MYH15: variants seen among roughly 807,000 people sequenced by gnomAD.
MYH15 encodes the protein myosin-15.
Under a neutral mutation model 240.5 loss-of-function variants are expected in MYH15, and 227 were observed. The observed-to-expected ratio is 0.94, with a 90% CI of 0.85 to 1.05. The LOEUF (loss-of-function observed/expected upper bound fraction) is 1.05. MYH15 is among the 50% of genes least tolerant of loss of function. The pLI, the probability that MYH15 is intolerant of heterozygous loss-of-function variation, is 0.00. For synonymous variants in MYH15, 785 were observed against 796.7 expected (o/e 0.99, Z 0.25); for missense variants, 2,217 against 2,247.5 (o/e 0.99, Z 0.27).
At chr3:108,468,325 T>C (rs1260070410) in intron 14 of MYH15, among the ~76,000 whole-genome samples, 1 of 152,244 alleles carries the variant, frequency 6.6e-6, no homozygotes, top group Admixed American at 6.5e-5. Context: ...AAATCCTTTT[T>C]TCTTATACGT....
At chr3:108,403,967 G>T (rs992032028) in intron 33 of MYH15, among the ~76,000 whole-genome samples, 2 of 145,592 alleles carry the variant, frequency 1.4e-5, no homozygotes, top group Middle Eastern at 3.7e-3. Context: ...GATATTACTT[G>T]AAATCAGTGT....
At chr3:108,446,698 C>T (rs1428700689) in intron 21 of MYH15, among the ~76,000 whole-genome samples, 1 of 152,146 alleles carries the variant, frequency 6.6e-6, no homozygotes, top group African/African-American at 2.4e-5. Context: ...CGGTTAGCAA[C>T]AACGTCCTAA....
upstream of MYH15, among the ~76,000 whole-genome samples, chr3:108,533,811 A>T (rs2083727951): frequency 6.6e-6 from 1 of 152,220 alleles, no homozygotes; most frequent in Non-Finnish European, 1.5e-5. Context: ...GAATCTGGAC[A>T]TACAACTACA....
chr3:108,406,848 C>T (rs1328883115), intron 32 of MYH15, among the ~76,000 whole-genome samples: 1 of 152,164 alleles, frequency 6.6e-6, no homozygotes, highest in Non-Finnish European at 1.5e-5. Flanking sequence ...CGACTGAATA[C>T]ACAAAGATGC....
At chr3:108,403,158 C>T (rs2082519970) in intron 33 of MYH15, among the ~76,000 whole-genome samples, 1 of 152,188 alleles carries the variant, frequency 6.6e-6, no homozygotes, top group Admixed American at 6.5e-5. Context: ...GCTGCTTGTA[C>T]TTTTCACCCC....
chr3:108,544,451 C>T, the MYH15 span, among the ~76,000 whole-genome samples: 1 of 152,242 alleles, frequency 6.6e-6, no homozygotes, highest in South Asian at 2.1e-4. Flanking sequence ...ATCATATCCA[C>T]CCAGGCAACA....
At chr3:108,389,126 C>T (rs377693825) in intron 37 of MYH15, 52 bp from the exon 38 acceptor site, 1 of 1,497,668 alleles carries the variant, frequency 6.7e-7, no homozygotes, top group Non-Finnish European at 9.3e-7. Context: ...GTCTGGCATT[C>T]TATTTGCTGA....
chr3:108,423,054 G>T (rs936352523), intron 27 of MYH15, among the ~76,000 whole-genome samples: 1 of 152,112 alleles, frequency 6.6e-6, no homozygotes, highest in African/African-American at 2.4e-5. Context: ...AGTAAGACAG[G>T]GTTTGATTAG....
chr3:108,403,296 G>A (rs2082521460), intron 33 of MYH15, among the ~76,000 whole-genome samples: 1 of 152,110 alleles, frequency 6.6e-6, no homozygotes. Context: ...GCCTTTGCCT[G>A]TGGGTCTCTT....
At chr3:108,453,960 C>T (rs1553768526) in intron 21 of MYH15, 46 bp downstream of exon 21, 1 of 1,573,760 alleles carries the variant, frequency 6.4e-7, no homozygotes, top group East Asian at 2.3e-5. Flanking sequence ...CTGGTTGAGG[C>T]ACACTATTAC....
In MYH15 at chr3:108,508,162, A is replaced by T. The variant is rs1325770804; in HGVS notation, c.88+2281T>A. ...CATTACAGCCTGCCTCCTCTAACAC[A>T]TTCTTAGCTTTTTCTCCTCCAATTC... is the stretch of plus-strand genomic sequence containing the variant. On this transcript the variant is annotated intron_variant, in intron 1 of 40. Transcript: ENST00000693548. Among the ~76,000 whole-genome samples the T allele has an allele frequency of 2.0e-5, 3 of 152,048 alleles. No homozygotes were observed. In the East Asian group the frequency reaches 5.8e-4, roughly 29 times the overall value.
At chr3:108,422,708 AAAG>A (rs1249640221) in intron 27 of MYH15, among the ~76,000 whole-genome samples, 1 of 152,194 alleles carries the variant, frequency 6.6e-6, no homozygotes, top group Non-Finnish European at 1.5e-5. Context: ...ACTGGGAGAC[AAAG>A]AAGAGATTAC....
At chr3:108,404,558 C>T (rs2082532321) in intron 33 of MYH15, among the ~76,000 whole-genome samples, 1 of 152,192 alleles carries the variant, frequency 6.6e-6, no homozygotes, top group Non-Finnish European at 1.5e-5. Context: ...CATGTAGGGA[C>T]TGCTTTTATC....
Position 108,495,847 on chromosome 3 carries a change from T to A in MYH15, c.644A>T (p.Gln215Leu), listed in dbSNP as rs776196034. The A allele has an allele frequency of 6.2e-7, 1 of 1,611,626 alleles. No individual in the cohort carries two copies. The highest frequency in any genetic ancestry group is 8.5e-7 in the Non-Finnish European group (1 of 1,178,964). ...KQGALEDQIM[Q>L]ANTILEAFGN... ...AAATGCTTCCAAGATAGTATTCGCT[T>A]GCATGATTTGATCTTCTAACGCCCC... Residue 215 changes from glutamine to leucine, a missense_variant, in exon 7 of 41, where the codon CAA becomes CTA. Coordinates refer to ENST00000693548, the MANE Select transcript of MYH15 (RefSeq NM_014981.3).
At position 108,421,185 on chromosome 3, in the gene MYH15, A is replaced by T. The variant is rs912925356; in HGVS notation, c.3732T>A (p.Tyr1244Ter). The part of the protein sequence containing the change: ...KANAEKLCTL[Y>*]EERLHEATAK... ...CAGTTGCTTCATGCAAGCGCTCTTC[A>T]TATAGAGTACAGAGTTTCTCAGCAT... Residue 1244 changes from tyrosine to a stop codon, truncating the protein, a stop_gained, in exon 28 of 41, where the codon TAT (tyrosine) becomes TAA (stop). Transcript: ENST00000693548. LOFTEE classifies it high-confidence loss of function. 3 of 1,613,510 alleles carry T rather than the reference A, an allele frequency of 1.9e-6. No homozygotes were observed. In the African/African-American group the frequency reaches 4.0e-5, roughly 22 times the overall value.
chr3:108,437,435 T>C, intron 25 of MYH15, 119 bp downstream of exon 25: 1 of 1,308,920 alleles, frequency 7.6e-7, no homozygotes, highest in Non-Finnish European at 1.0e-6. Flanking sequence ...AGGCTTGTTA[T>C]CCTTGCCTTG....
At chr3:108,450,400 G>A (rs564896535) in intron 21 of MYH15, among the ~76,000 whole-genome samples, 2 of 152,108 alleles carry the variant, frequency 1.3e-5, no homozygotes, top group East Asian at 1.9e-4. Flanking sequence ...GTGACAACAT[G>A]GGTTAACCTA....
Position 108,410,847 on chromosome 3 carries a change from G to C in MYH15, c.4231C>G (p.His1411Asp). 6.2e-7 allele frequency: 1 copy of C among 1,613,976 alleles called. No individual in the cohort carries two copies. The highest frequency in any genetic ancestry group is 8.5e-7 in the Non-Finnish European group (1 of 1,179,842). Residue 1411 changes from histidine to aspartate, a missense_variant, in exon 31 of 41, where the codon CAC (histidine) becomes GAC (aspartate). Transcript: ENST00000693548. ...TCCCCGAGCTCCAGCTGCAGCTGGT[G>C]CCTGGCTCTCTCCAAGGAGGCATTT... ...ARNASLERAR[H>D]QLQLELGDAL...
Position 108,455,809 on chromosome 3 carries a change from C to A in MYH15, c.2189G>T (p.Ser730Ile), listed in dbSNP as rs2083014567. The change falls in exon 20 of 41, where the codon AGC becomes ATC. Residue 730 changes from serine (S) to isoleucine (I), a missense_variant. By Grantham distance (142) the Ser-to-Ile change is moderately radical. Transcript: ENST00000693548. ...RTFPKSKFVSSRKAAEELLGS... is the reference protein window; with the variant it reads ...RTFPKSKFVSIRKAAEELLGS... ...AAGTAATTCTTCAGCTGCTTTTCTGCTGCTCACAAACTTGCTCTTTGGAAA... is the reference window on the plus strand; with the variant it reads ...AAGTAATTCTTCAGCTGCTTTTCTGATGCTCACAAACTTGCTCTTTGGAAA... The A allele has an allele frequency of 6.2e-7, 1 of 1,613,276 alleles. No homozygotes were observed.
Sources: allele counts gnomAD v4.1 joint callset (sites outside exome capture counted in the v4.1 genomes callset), GRCh38; gene constraint gnomAD v4.1.1; transcripts MANE v1.5; gene names NCBI Gene and HGNC (gene_info 2026-07-23, HGNC 2026-07-21).